Variants in KCNMB2 observed in about 807,000 individuals in gnomAD.
The protein encoded by KCNMB2 is calcium-activated potassium channel subunit beta-2.
In KCNMB2, 9 loss-of-function variants were observed where a neutral mutation model predicts 24.5. The observed-to-expected ratio is 0.37, with a 90% CI of 0.22 to 0.64. The LOEUF (loss-of-function observed/expected upper bound fraction) is 0.64. KCNMB2 is among the 30% of genes least tolerant of loss of function. KCNMB2 has a pLI of 0.63. For synonymous variants in KCNMB2, 109 were observed against 104.4 expected, an observed-to-expected ratio of 1.04 and a Z score of -0.27; for missense variants, 226 against 284.3, an observed-to-expected ratio of 0.79 and a Z score of 1.47.
intron 1 of KCNMB2, among the ~76,000 whole-genome samples, chr3:178,560,652 C>T (rs182564549): frequency 6.6e-6 from 1 of 152,350 alleles, no homozygotes. Context: ...TTGCTCTACA[C>T]TGTTCTTTGA....
At chr3:178,702,871 C>T (rs553586914) in intron 1 of KCNMB2, among the ~76,000 whole-genome samples, 1 of 152,244 alleles carries the variant, frequency 6.6e-6, no homozygotes, top group Non-Finnish European at 1.5e-5. Context: ...ACAACTTTTC[C>T]TTTACTTCTG....
At chr3:178,663,040 C>T (rs1051733528) in intron 1 of KCNMB2, among the ~76,000 whole-genome samples, 1 of 152,116 alleles carries the variant, frequency 6.6e-6, no homozygotes, top group African/African-American at 2.4e-5. Context: ...CATCTCTGCT[C>T]CACGTGGTGT....
chr3:178,676,998 C>T (rs1444275339), intron 1 of KCNMB2, among the ~76,000 whole-genome samples: 1 of 152,130 alleles, frequency 6.6e-6, no homozygotes, highest in African/African-American at 2.4e-5. Context: ...CCTCAAACAG[C>T]AGTCAGAGCC....
At chr3:178,554,009 A>T (rs915284611) in intron 1 of KCNMB2, among the ~76,000 whole-genome samples, 8 of 152,242 alleles carry the variant, frequency 5.3e-5, no homozygotes, top group African/African-American at 1.9e-4. Flanking sequence ...ATTAATAGCT[A>T]ACATTTATTG....
In KCNMB2 at chr3:178,632,639, C is replaced by A. The variant is rs576126803; in HGVS notation, c.-68+95928C>A. On this transcript the variant is annotated intron_variant, in intron 1 of 4. Transcript: ENST00000452583. ...TGACACATGGGGATTACGGGAACTACAATTCAAGATGAGATTTGGGTGAGG... is the reference window on the plus strand; with the variant it reads ...TGACACATGGGGATTACGGGAACTAAAATTCAAGATGAGATTTGGGTGAGG... Among the ~76,000 whole-genome samples the A allele has an allele frequency of 4.9e-4, 74 of 152,262 alleles. 1 individual carries two copies. The highest frequency in any genetic ancestry group is 1.7e-3 in the African/African-American group (70 of 41,546).
At chr3:178,632,413 C>T (rs911110704) in intron 1 of KCNMB2, among the ~76,000 whole-genome samples, 10 of 152,234 alleles carry the variant, frequency 6.6e-5, no homozygotes, top group Admixed American at 2.0e-4. Context: ...GCATGACTGG[C>T]GAGGACTCAA....
intron 1 of KCNMB2, among the ~76,000 whole-genome samples, chr3:178,784,099 C>T (rs1712994854): frequency 6.6e-6 from 1 of 152,186 alleles, no homozygotes; most frequent in Non-Finnish European, 1.5e-5. Flanking sequence ...CTGCTATAGC[C>T]TATGGGCAAA....
chr3:178,738,005 G>T (rs138096204), intron 1 of KCNMB2, among the ~76,000 whole-genome samples: 1 of 152,022 alleles, frequency 6.6e-6, no homozygotes, highest in Non-Finnish European at 1.5e-5. Flanking sequence ...ATCCTCCCCC[G>T]ACCCAAGAGA....
In KCNMB2 at chr3:178,639,719, A is replaced by C. The variant is rs80149337; in HGVS notation, c.-68+103008A>C. Reference sequence around the variant, plus strand: ...ATTCTTCCACTCTCTGTGAGTTATCACTCACTTCTCAGGCCTCTTGGAAAT... The same window carrying C: ...ATTCTTCCACTCTCTGTGAGTTATCCCTCACTTCTCAGGCCTCTTGGAAAT... On this transcript the variant is annotated intron_variant, in intron 1 of 4. Transcript: ENST00000452583. Among the ~76,000 whole-genome samples the C allele has an allele frequency of 7.2e-3, 1,092 of 151,858 alleles. 13 individuals carry two copies. Among genetic ancestry groups the C allele is most frequent in the African/African-American group, 0.026 (1,058 of 41,394 alleles).
At chr3:178,807,809 C>T (rs1246072830) in intron 2 of KCNMB2, among the ~76,000 whole-genome samples, 1 of 152,060 alleles carries the variant, frequency 6.6e-6, no homozygotes, top group African/African-American at 2.4e-5. Context: ...ATTTCCAGCA[C>T]CTAGCACTGT....
chr3:178,784,896 A>C (rs955592948), intron 1 of KCNMB2, among the ~76,000 whole-genome samples: 8 of 142,576 alleles, frequency 5.6e-5, no homozygotes, highest in African/African-American at 2.1e-4. Context: ...AAAAAAAAAA[A>C]CTATCCAAGA....
At chr3:178,730,448 C>T (rs1386846294) in intron 1 of KCNMB2, among the ~76,000 whole-genome samples, 3 of 147,304 alleles carry the variant, frequency 2.0e-5, no homozygotes, top group Non-Finnish European at 3.0e-5. Flanking sequence ...TCCCCTCATC[C>T]AATCCTCAGC....
At chr3:178,786,874 A>AAC (rs1713123283) in intron 1 of KCNMB2, among the ~76,000 whole-genome samples, 2 of 152,266 alleles carry the variant, frequency 1.3e-5, no homozygotes, top group African/African-American at 4.8e-5. Flanking sequence ...AATGTAAAAT[A>AAC]TAAATTACAT....
intron 1 of KCNMB2, among the ~76,000 whole-genome samples, chr3:178,755,241 A>C (rs1347330156): frequency 6.6e-6 from 1 of 152,244 alleles, no homozygotes; most frequent in Non-Finnish European, 1.5e-5. Context: ...TGGCATTTTG[A>C]ATATAAAAAG....
chr3:178,568,232 A>G (rs896648670), intron 1 of KCNMB2, among the ~76,000 whole-genome samples: 2 of 152,168 alleles, frequency 1.3e-5, no homozygotes, highest in South Asian at 4.1e-4. Flanking sequence ...AGACAGAAAG[A>G]AAAAGTAGTT....
intron 1 of KCNMB2, among the ~76,000 whole-genome samples, chr3:178,554,094 G>GT (rs898292641): frequency 3.9e-4 from 59 of 149,622 alleles, no homozygotes; most frequent in Admixed American, 6.7e-4. Flanking sequence ...TATGAGGTAG[G>GT]TTTTTTTTTT....
At chr3:178,811,021 G>A (rs1404053124) in intron 2 of KCNMB2, among the ~76,000 whole-genome samples, 1 of 151,466 alleles carries the variant, frequency 6.6e-6, no homozygotes, top group Non-Finnish European at 1.5e-5. Context: ...CAAAGTGCTG[G>A]GATTACAGGC....
intron 1 of KCNMB2, among the ~76,000 whole-genome samples, chr3:178,701,924 TA>T: frequency 4.0e-5 from 6 of 151,888 alleles, no homozygotes; most frequent in African/African-American, 1.4e-4. Flanking sequence ...CCATTTTGGG[TA>T]TACTGGGTAT....
intron 1 of KCNMB2, among the ~76,000 whole-genome samples, chr3:178,692,162 T>G (rs554091496): frequency 1.3e-5 from 2 of 152,278 alleles, no homozygotes; most frequent in South Asian, 2.1e-4. Context: ...AGATGCATAG[T>G]TTACAAAAAT....
Sources: allele counts gnomAD v4.1 joint callset (sites outside exome capture counted in the v4.1 genomes callset), GRCh38; gene constraint gnomAD v4.1.1; transcripts MANE v1.5; gene names NCBI Gene and HGNC (gene_info 2026-07-23, HGNC 2026-07-21).